SIK3: variants seen among roughly 807,000 people sequenced by gnomAD.
SIK3 encodes the protein SIK family kinase 3.
A neutral mutation model predicts 144.2 loss-of-function variants in SIK3; 28 were observed. The observed-to-expected ratio is 0.19, with a 90% confidence interval of 0.14 to 0.27. The LOEUF (loss-of-function observed/expected upper bound fraction) is 0.27. Among genes scored for constraint, SIK3 ranks in the 10% least tolerant of loss-of-function variants. The probability of loss-of-function intolerance (pLI) is 1.00; values close to 1 mark genes in which losing one functional copy is unlikely to be tolerated. For missense variants in SIK3, 1,319 were observed against 1,776.0 expected, an observed-to-expected ratio of 0.74 and a Z score of 4.62; for synonymous variants, 686 against 676.3, an observed-to-expected ratio of 1.01 and a Z score of -0.22.
intron 6 of SIK3, among the ~76,000 whole-genome samples, chr11:116,884,033 C>T (rs1299937579): frequency 6.6e-6 from 1 of 151,878 alleles, no homozygotes; most frequent in East Asian, 1.9e-4. Context: ...TATAATAATA[C>T]AAAATACAGG....
chr11:116,935,744 C>T (rs1051244506), intron 3 of SIK3, among the ~76,000 whole-genome samples: 6 of 152,176 alleles, frequency 3.9e-5, no homozygotes, highest in African/African-American at 9.7e-5. Flanking sequence ...AGGTACCTTT[C>T]GATTTGTTAA....
At chr11:117,080,799 T>C (rs374301052) in intron 1 of SIK3, among the ~76,000 whole-genome samples, 12 of 151,772 alleles carry the variant, frequency 7.9e-5, no homozygotes, top group African/African-American at 2.9e-4. Context: ...AATACAAAAA[T>C]TAGCTGGGTG....
chr11:116,880,832 G>C (rs1311557332), intron 6 of SIK3, among the ~76,000 whole-genome samples: 1 of 152,098 alleles, frequency 6.6e-6, no homozygotes, highest in East Asian at 1.9e-4. Context: ...TTGTCTAAAA[G>C]GTCCCTGTTG....
At chr11:116,988,167 T>A (rs1341719464) in intron 1 of SIK3, among the ~76,000 whole-genome samples, 2 of 151,990 alleles carry the variant, frequency 1.3e-5, no homozygotes, top group Admixed American at 1.3e-4. Flanking sequence ...CCAAGGCAGG[T>A]GGATCACAAG....
At position 117,041,687 on chromosome 11, in the gene SIK3, T is replaced by C. The variant is rs550099116; in HGVS notation, c.273+56456A>G. Among the ~76,000 whole-genome samples, 12 of 152,340 alleles carry C rather than the reference T, an allele frequency of 7.9e-5. 1 individual carries two copies. The South Asian group carries it at 2.1e-3, about 26-fold the overall frequency. On this transcript the variant is annotated intron_variant, in intron 1 of 24. Transcript: ENST00000445177. ...ACAGACTACTCTGGAAGTCTAATTT[T>C]GTTTTTACCCTAAGAGGCAAGTAAA...
intron 1 of SIK3, among the ~76,000 whole-genome samples, chr11:117,090,430 G>T (rs576496147): frequency 6.0e-4 from 91 of 151,046 alleles, no homozygotes; most frequent in African/African-American, 2.2e-3. Flanking sequence ...TGGTTCTCTT[G>T]ACCCTCACCT....
intron 3 of SIK3, among the ~76,000 whole-genome samples, chr11:116,945,540 T>C (rs1948549580): frequency 6.6e-6 from 1 of 152,038 alleles, no homozygotes; most frequent in African/African-American, 2.4e-5. Context: ...TAAAAATTCT[T>C]ATTTAAGATC....
At chr11:116,915,153 T>TGTGTGTGTGTGTGTGTGCGC (rs1182331838) in intron 4 of SIK3, among the ~76,000 whole-genome samples, 1 of 149,096 alleles carries the variant, frequency 6.7e-6, no homozygotes, top group African/African-American at 2.5e-5. Flanking sequence ...TGTGTGTGTG[T>TGTGTGTGTGTGTGTGTGCGC]GTGTGTGTAT....
intron 1 of SIK3, among the ~76,000 whole-genome samples, chr11:117,024,859 G>A (rs558790279): frequency 3.3e-5 from 5 of 151,808 alleles, no homozygotes; most frequent in South Asian, 4.2e-4. Context: ...TGAGATCAGC[G>A]CCACTGCACT....
At chr11:116,912,388 A>C (rs1946395327) in intron 4 of SIK3, among the ~76,000 whole-genome samples, 1 of 152,208 alleles carries the variant, frequency 6.6e-6, no homozygotes, top group South Asian at 2.1e-4. Context: ...TTAATTTATA[A>C]ATCAGGGCAA....
chr11:116,921,024 T>C (rs1397600458), intron 4 of SIK3, among the ~76,000 whole-genome samples: 4 of 152,242 alleles, frequency 2.6e-5, no homozygotes, highest in Non-Finnish European at 4.4e-5. Context: ...GCCGGCTCCA[T>C]GCTGAGTGAG....
At chr11:117,027,209 A>G (rs890647452) in intron 1 of SIK3, among the ~76,000 whole-genome samples, 3 of 152,226 alleles carry the variant, frequency 2.0e-5, no homozygotes, top group Admixed American at 2.0e-4. Context: ...TTGAAAACAC[A>G]TTAGTCATCT....
At chr11:117,024,441 GA>G (rs1345166621) in intron 1 of SIK3, among the ~76,000 whole-genome samples, 1 of 151,924 alleles carries the variant, frequency 6.6e-6, no homozygotes, top group East Asian at 1.9e-4. Flanking sequence ...CCTTAGCAAA[GA>G]AGAATAAAGA....
In SIK3 at chr11:116,922,347, G is replaced by A. The variant is rs12286806; in HGVS notation, c.616+4872C>T. ...GTGACAAAAAATGTTTAAAATTAGCGAGGTGTGGTGGAACATGCCTGTAGT... is the reference window on the plus strand; with the variant it reads ...GTGACAAAAAATGTTTAAAATTAGCAAGGTGTGGTGGAACATGCCTGTAGT... On this transcript the variant is annotated intron_variant, in intron 4 of 24. Coordinates refer to ENST00000445177, the MANE Select transcript of SIK3 (RefSeq NM_001366686.3). Among the ~76,000 whole-genome samples the A allele has an allele frequency of 5.0e-3, 758 of 152,118 alleles. 8 individuals are homozygous for A. Among genetic ancestry groups the A allele is most frequent in the African/African-American group, 0.017 (714 of 41,484 alleles).
chr11:117,042,809 T>C (rs1308646645), intron 1 of SIK3, among the ~76,000 whole-genome samples: 6 of 152,234 alleles, frequency 3.9e-5, no homozygotes, highest in Non-Finnish European at 1.5e-5. Context: ...CATTCAATGA[T>C]GGCACATAAC....
intron 1 of SIK3, among the ~76,000 whole-genome samples, chr11:117,046,531 A>G (rs1213951531): frequency 6.6e-6 from 1 of 152,174 alleles, no homozygotes; most frequent in Non-Finnish European, 1.5e-5. Context: ...ATCTATGTCT[A>G]TTTAGAACTG....
chr11:116,935,375 T>C (rs887941913), intron 3 of SIK3, among the ~76,000 whole-genome samples: 3 of 151,914 alleles, frequency 2.0e-5, no homozygotes, highest in African/African-American at 7.3e-5. Flanking sequence ...ACAAAAACAC[T>C]TTTTTTACTC....
At chr11:116,876,202 G>C (rs754029089) in intron 8 of SIK3, 51 bp downstream of exon 8, 29 of 1,555,904 alleles carry the variant, frequency 1.9e-5, no homozygotes, top group Non-Finnish European at 3.5e-6. Context: ...GGAAAAAGCA[G>C]GTTAGAGGAA....
chr11:116,913,126 G>A (rs1946433211), intron 4 of SIK3, among the ~76,000 whole-genome samples: 1 of 152,118 alleles, frequency 6.6e-6, no homozygotes, highest in Non-Finnish European at 1.5e-5. Context: ...GTTCTCAGAA[G>A]TCACAATATT....
Sources: gnomAD v4.1 joint callset for allele counts (sites outside exome capture counted in the v4.1 genomes callset) on GRCh38, gnomAD v4.1.1 for gene constraint, MANE v1.5 for transcripts, NCBI Gene and HGNC (gene_info 2026-07-23, HGNC 2026-07-21) for gene names.